NWD2: variants seen among roughly 807,000 people sequenced by gnomAD.
The protein encoded by NWD2 is NACHT and WD repeat domain-containing protein 2.
A neutral mutation model predicts 132.7 loss-of-function variants in NWD2; 37 were observed. That is an observed-to-expected ratio of 0.28 (90% CI 0.21 to 0.37). The LOEUF (loss-of-function observed/expected upper bound fraction) is 0.37, where lower values mean the gene tolerates loss of function less well. Among genes scored for constraint, NWD2 ranks in the 10% least tolerant of loss-of-function variants. The pLI, the probability that NWD2 is intolerant of heterozygous loss-of-function variation, is 1.00. For synonymous variants in NWD2, 705 were observed against 803.0 expected (o/e 0.88, Z 2.06); for missense variants, 1,592 against 2,122.4 (o/e 0.75, Z 4.91).
intron 3 of NWD2, among the ~76,000 whole-genome samples, chr4:37,365,668 A>G (rs1338678284): frequency 1.3e-5 from 2 of 152,230 alleles, no homozygotes; most frequent in African/African-American, 4.8e-5. Flanking sequence ...ATGGACAAAC[A>G]TGGAAAATTA....
chr4:37,316,949 A>C (rs1718971849), intron 1 of NWD2, among the ~76,000 whole-genome samples: 1 of 152,158 alleles, frequency 6.6e-6, no homozygotes, highest in African/African-American at 2.4e-5. Flanking sequence ...AATCTGTGAA[A>C]TCTATTCCCC....
chr4:37,292,560 G>A (rs1262047669), intron 1 of NWD2, among the ~76,000 whole-genome samples: 1 of 152,084 alleles, frequency 6.6e-6, no homozygotes, highest in Admixed American at 6.5e-5. Flanking sequence ...CGGCCTGAAT[G>A]GGCTAAGAAC....
intron 1 of NWD2, among the ~76,000 whole-genome samples, chr4:37,305,911 G>A (rs929214818): frequency 1.3e-5 from 2 of 152,100 alleles, no homozygotes; most frequent in African/African-American, 4.8e-5. Context: ...GGAAAAGTTT[G>A]AGAAGAATTG....
chr4:37,256,107 G>A (rs17420972), intron 1 of NWD2, among the ~76,000 whole-genome samples: 22,471 of 152,196 alleles, frequency 0.15, 2,131 homozygotes, highest in South Asian at 0.3. Context: ...TTAGAGAGAA[G>A]GCTGTGGGGC....
intron 1 of NWD2, among the ~76,000 whole-genome samples, chr4:37,270,677 A>G (rs1717853217): frequency 6.6e-6 from 1 of 151,816 alleles, no homozygotes; most frequent in African/African-American, 2.4e-5. Flanking sequence ...GTCATTTGTC[A>G]TATATACATA....
intron 1 of NWD2, among the ~76,000 whole-genome samples, chr4:37,278,229 A>G (rs1718064120): frequency 6.6e-6 from 1 of 152,172 alleles, no homozygotes; most frequent in Non-Finnish European, 1.5e-5. Context: ...GTGTCTGAAT[A>G]GCTTGAGTTG....
chr4:37,271,667 C>A (rs1487291865), intron 1 of NWD2, among the ~76,000 whole-genome samples: 1 of 151,694 alleles, frequency 6.6e-6, no homozygotes, highest in Non-Finnish European at 1.5e-5. Flanking sequence ...GGTCTTCACA[C>A]ATTTTATTTC....
chr4:37,401,936 C>T (rs78816799), intron 3 of NWD2, among the ~76,000 whole-genome samples: 9,575 of 152,248 alleles, frequency 0.063, 520 homozygotes, highest in African/African-American at 0.15. Flanking sequence ...TGAGTGGACC[C>T]TCCCAAATTC....
intron 3 of NWD2, among the ~76,000 whole-genome samples, chr4:37,390,110 T>C (rs1313535848): frequency 1.3e-5 from 2 of 152,158 alleles, no homozygotes; most frequent in African/African-American, 4.8e-5. Flanking sequence ...CATTTTGTTT[T>C]AGTTTTGCTC....
At chr4:37,341,526 A>T (rs1433262841) in intron 2 of NWD2, among the ~76,000 whole-genome samples, 3 of 152,232 alleles carry the variant, frequency 2.0e-5, no homozygotes. Flanking sequence ...GAAGGCAAAC[A>T]TGACATGAAA....
At chr4:37,277,426 G>T (rs1718043083) in intron 1 of NWD2, among the ~76,000 whole-genome samples, 2 of 151,758 alleles carry the variant, frequency 1.3e-5, no homozygotes, top group Non-Finnish European at 2.9e-5. Context: ...TGTCCCACAG[G>T]TCCCTGATGC....
At chr4:37,343,496 C>T (rs180995120) in intron 2 of NWD2, among the ~76,000 whole-genome samples, 170 of 152,206 alleles carry the variant, frequency 1.1e-3, no homozygotes, top group African/African-American at 4.0e-3. Context: ...TTAATCAAAA[C>T]AAAATTCAAG....
At chr4:37,355,644 C>T (rs1387078880) in intron 2 of NWD2, among the ~76,000 whole-genome samples, 2 of 152,214 alleles carry the variant, frequency 1.3e-5, no homozygotes, top group African/African-American at 4.8e-5. Flanking sequence ...GTAATGAAAT[C>T]CATGATGCTC....
intron 1 of NWD2, among the ~76,000 whole-genome samples, chr4:37,270,505 G>T (rs1487178278): frequency 1.3e-5 from 2 of 151,626 alleles, no homozygotes; most frequent in Non-Finnish European, 3.0e-5. Context: ...AGCAGCTAGG[G>T]TGCATGGCTC....
At chr4:37,391,027 C>T (rs1720670881) in intron 3 of NWD2, among the ~76,000 whole-genome samples, 1 of 152,138 alleles carries the variant, frequency 6.6e-6, no homozygotes, top group Non-Finnish European at 1.5e-5. Context: ...CACAATCTAC[C>T]TCACTGATTT....
At chr4:37,266,735 G>A (rs761292562) in intron 1 of NWD2, among the ~76,000 whole-genome samples, 34 of 151,892 alleles carry the variant, frequency 2.2e-4, no homozygotes, top group Non-Finnish European at 4.1e-4. Context: ...TAATTATACC[G>A]CCTTTATTTT....
intron 6 of NWD2, among the ~76,000 whole-genome samples, chr4:37,441,739 G>A (rs186895539): frequency 5.9e-5 from 9 of 152,134 alleles, no homozygotes; most frequent in African/African-American, 1.9e-4. Flanking sequence ...CTCTGCCTGC[G>A]CTTCACTTAC....
intron 2 of NWD2, among the ~76,000 whole-genome samples, chr4:37,353,354 G>A (rs1022373513): frequency 2.4e-4 from 37 of 152,036 alleles, no homozygotes; most frequent in African/African-American, 8.2e-4. Flanking sequence ...GTATCTGTGT[G>A]GTGTTCTCTG....
At chr4:37,394,799 G>GTTTTGT (rs1720747038) in intron 3 of NWD2, among the ~76,000 whole-genome samples, 1 of 52,600 alleles carries the variant, frequency 1.9e-5, no homozygotes, top group Non-Finnish European at 3.2e-5. Flanking sequence ...AACCTTTATG[G>GTTTTGT]TTTTTTTTTT....
Sources: gnomAD v4.1 joint callset for allele counts (sites outside exome capture counted in the v4.1 genomes callset) on GRCh38, gnomAD v4.1.1 for gene constraint, MANE v1.5 for transcripts, NCBI Gene and HGNC (gene_info 2026-07-23, HGNC 2026-07-21) for gene names.